CADPS2: variants seen among roughly 807,000 people sequenced by gnomAD.
CADPS2 encodes calcium dependent secretion activator 2.
In CADPS2, 93 loss-of-function variants were observed where a neutral mutation model predicts 172.5. The ratio of observed to expected loss-of-function variants is 0.54; its 90% CI spans 0.46 to 0.64. The LOEUF (loss-of-function observed/expected upper bound fraction) is 0.64, where lower values mean the gene tolerates loss of function less well. CADPS2 is among the 30% of genes least tolerant of loss of function. The pLI is 0.00. For synonymous variants in CADPS2, 546 were observed against 555.2 expected (o/e 0.98, Z 0.23); for missense variants, 1,420 against 1,565.9 (o/e 0.91, Z 1.57).
In CADPS2 at chr7:122,695,949, G is replaced by T. The variant is rs563605669; in HGVS notation, c.454-32380C>A. Among the ~76,000 whole-genome samples, 10 of 151,632 alleles carry T rather than the reference G, an allele frequency of 6.6e-5. No homozygotes were observed. In the East Asian group the frequency reaches 2.0e-3, roughly 30 times the overall value. On this transcript the variant is annotated intron_variant, in intron 2 of 29. Coordinates refer to ENST00000449022, the MANE Select transcript of CADPS2 (RefSeq NM_017954.11). Reference sequence around the variant, plus strand: ...AAATTCCTGAACTACCAGATGTCATGGAACAAGTACCCCACACAAGAGTAC... The same window carrying T: ...AAATTCCTGAACTACCAGATGTCATTGAACAAGTACCCCACACAAGAGTAC...
chr7:122,480,508 C>T (rs892820377), intron 12 of CADPS2, among the ~76,000 whole-genome samples: 1 of 152,084 alleles, frequency 6.6e-6, no homozygotes, highest in African/African-American at 2.4e-5. Flanking sequence ...CTATATTTTG[C>T]TTCATCAATT....
intron 3 of CADPS2, among the ~76,000 whole-genome samples, chr7:122,631,391 G>C (rs996107158): frequency 1.3e-5 from 2 of 152,090 alleles, no homozygotes; most frequent in African/African-American, 4.8e-5. Context: ...GAAATTGTTT[G>C]AGTTATTTCT....
At chr7:122,640,744 ACAT>A (rs2134491110) in intron 3 of CADPS2, among the ~76,000 whole-genome samples, 1 of 152,276 alleles carries the variant, frequency 6.6e-6, no homozygotes, top group East Asian at 1.9e-4. Context: ...ATCCTGGCTA[ACAT>A]GGTGAAACCA....
chr7:122,441,847 C>T (rs1020854497), intron 15 of CADPS2, among the ~76,000 whole-genome samples: 1 of 152,134 alleles, frequency 6.6e-6, no homozygotes, highest in Admixed American at 6.5e-5. Flanking sequence ...AATAAAAGAA[C>T]CTCAAGGGTC....
intron 2 of CADPS2, among the ~76,000 whole-genome samples, chr7:122,722,368 A>G (rs1326336113): frequency 2.0e-5 from 3 of 151,810 alleles, no homozygotes; most frequent in Non-Finnish European, 4.4e-5. Context: ...ATCAATGTGC[A>G]AAAATCACAA....
intron 1 of CADPS2, among the ~76,000 whole-genome samples, chr7:122,815,142 T>C (rs1047926020): frequency 1.3e-5 from 2 of 152,122 alleles, no homozygotes; most frequent in African/African-American, 2.4e-5. Flanking sequence ...GCAACATAGC[T>C]ACAATAAAGA....
chr7:122,425,953 T>C (rs376050628), intron 17 of CADPS2: 4 of 152,138 alleles, frequency 2.6e-5, no homozygotes, highest in East Asian at 3.9e-4. Context: ...CTTTTTTCCA[T>C]ACTCAAGGAG....
chr7:122,562,950 T>C (rs1346249830), intron 7 of CADPS2, among the ~76,000 whole-genome samples: 1 of 152,196 alleles, frequency 6.6e-6, no homozygotes. Flanking sequence ...ATTATGTTTA[T>C]ATTACTAACA....
chr7:122,705,200 T>C (rs34950493), intron 2 of CADPS2, among the ~76,000 whole-genome samples: 3,849 of 151,630 alleles, frequency 0.025, 105 homozygotes, highest in East Asian at 0.14. Context: ...TCATGACAAA[T>C]TGCATATATT....
chr7:122,679,715 C>T (rs1183210719), intron 2 of CADPS2, among the ~76,000 whole-genome samples: 2 of 151,194 alleles, frequency 1.3e-5, no homozygotes, highest in Non-Finnish European at 3.0e-5. Flanking sequence ...GGACATCCAG[C>T]TTTAAAATTT....
chr7:122,650,777 T>G (rs905932669), intron 3 of CADPS2, among the ~76,000 whole-genome samples: 1 of 152,160 alleles, frequency 6.6e-6, no homozygotes. Flanking sequence ...CACTGACAAT[T>G]TAAAAATTTT....
chr7:122,650,302 A>G (rs1325282634), intron 3 of CADPS2, among the ~76,000 whole-genome samples: 1 of 152,086 alleles, frequency 6.6e-6, no homozygotes, highest in Non-Finnish European at 1.5e-5. Context: ...ACCATGAAAA[A>G]TAAAGATACA....
intron 1 of CADPS2, among the ~76,000 whole-genome samples, chr7:122,827,260 A>G (rs1298547956): frequency 3.3e-5 from 5 of 152,184 alleles, no homozygotes. Flanking sequence ...CCCTCTCACT[A>G]CTAAGGAAAT....
intron 1 of CADPS2, among the ~76,000 whole-genome samples, chr7:122,747,005 T>C (rs1389961416): frequency 1.3e-5 from 2 of 152,140 alleles, no homozygotes; most frequent in African/African-American, 2.4e-5. Context: ...AAAAGGACCA[T>C]GATAATAGCC....
intron 1 of CADPS2, among the ~76,000 whole-genome samples, chr7:122,847,993 A>T (rs1405606476): frequency 6.6e-6 from 1 of 152,232 alleles, no homozygotes; most frequent in East Asian, 1.9e-4. Context: ...CTTCTAGAGC[A>T]ACTGCATGGT....
chr7:122,736,451 T>C (rs1389126484), intron 2 of CADPS2, among the ~76,000 whole-genome samples: 1 of 152,120 alleles, frequency 6.6e-6, no homozygotes, highest in Non-Finnish European at 1.5e-5. Flanking sequence ...AGGAAATCCA[T>C]AGAGAAACTC....
intron 1 of CADPS2, among the ~76,000 whole-genome samples, chr7:122,765,935 A>T (rs1350805495): frequency 6.6e-6 from 1 of 152,124 alleles, no homozygotes; most frequent in Non-Finnish European, 1.5e-5. Flanking sequence ...ACAACGTCTT[A>T]GTCCATTTTG....
At chr7:122,643,003 A>T (rs1479680856) in intron 3 of CADPS2, among the ~76,000 whole-genome samples, 1 of 152,162 alleles carries the variant, frequency 6.6e-6, no homozygotes. Flanking sequence ...TGTTATGCAA[A>T]TTTGGTGTCT....
At chr7:122,659,464 A>C (rs1467201519) in intron 3 of CADPS2, among the ~76,000 whole-genome samples, 4 of 152,172 alleles carry the variant, frequency 2.6e-5, no homozygotes, top group African/African-American at 9.6e-5. Flanking sequence ...AGAGTTGAAC[A>C]AACAGAACGG....
Sources: allele counts gnomAD v4.1 joint callset (sites outside exome capture counted in the v4.1 genomes callset), GRCh38; gene constraint gnomAD v4.1.1; transcripts MANE v1.5; gene names NCBI Gene and HGNC (gene_info 2026-07-23, HGNC 2026-07-21).